Variants in PALS1 observed in about 807,000 individuals in gnomAD.
The protein encoded by PALS1 is protein associated with LIN7 1, MAGUK p55 family member.
PALS1 carries 31 observed loss-of-function variants against 78.9 expected under a neutral mutation model. The observed-to-expected ratio is 0.39, with a 90% CI of 0.30 to 0.53. The LOEUF (loss-of-function observed/expected upper bound fraction) is 0.53, where lower values mean the gene tolerates loss of function less well. Ranked by LOEUF, PALS1 falls within the 20% of genes least tolerant of loss-of-function variation. The probability of loss-of-function intolerance (pLI) is 0.67; values close to 1 mark genes in which losing one functional copy is unlikely to be tolerated. For synonymous variants in PALS1, 276 were observed against 270.9 expected (o/e 1.02, Z -0.18); for missense variants, 704 against 826.5 (o/e 0.85, Z 1.82).
At position 67,279,177 on chromosome 14, in the gene PALS1, A is replaced by G; in HGVS notation, c.7A>G (p.Thr3Ala). 3.2e-6 allele frequency: 5 copies of G among 1,586,662 alleles called. No individual in the cohort carries two copies. The highest frequency in any genetic ancestry group is 2.2e-5 in the East Asian group (1 of 44,654). ...CAGGTTTTCATAGATAACCATGACAACATCCCATATGAATGGGCATGTTAC... is the reference window on the plus strand; with the variant it reads ...CAGGTTTTCATAGATAACCATGACAGCATCCCATATGAATGGGCATGTTAC... MTTSHMNGHVTEE... is the reference protein window; with the variant it reads MTASHMNGHVTEE... The change falls in exon 3 of 15, where the codon ACA (threonine) becomes GCA (alanine). Residue 3 changes from threonine (T) to alanine (A), a missense_variant. Transcript: ENST00000261681.
chr14:67,316,938 T>A, intron 10 of PALS1, 35 bp downstream of exon 10: 1 of 1,531,290 alleles, frequency 6.5e-7, no homozygotes, highest in Non-Finnish European at 9.0e-7. Flanking sequence ...GTAAATGGTT[T>A]CTTGGGTCTT....
At chr14:67,300,450 CTT>C (rs1415428377) in intron 4 of PALS1, among the ~76,000 whole-genome samples, 1 of 151,608 alleles carries the variant, frequency 6.6e-6, no homozygotes, top group African/African-American at 2.4e-5. Flanking sequence ...GCCTCAGCCT[CTT>C]GAGTAGCTGG....
chr14:67,270,298 A>T (rs936115051), intron 2 of PALS1: 8 of 152,226 alleles, frequency 5.3e-5, no homozygotes, highest in African/African-American at 1.9e-4. Context: ...CAGCTTCGGC[A>T]TGCCAGCCTG....
chr14:67,329,370 A>G (rs901750291), intron 14 of PALS1, among the ~76,000 whole-genome samples: 5 of 152,110 alleles, frequency 3.3e-5, no homozygotes, highest in African/African-American at 1.2e-4. Context: ...GCTTAAGGAG[A>G]TTTTGGGCTG....
intron 14 of PALS1, among the ~76,000 whole-genome samples, chr14:67,327,494 T>A (rs898450513): frequency 5.3e-5 from 8 of 152,084 alleles, no homozygotes; most frequent in African/African-American, 1.7e-4. Flanking sequence ...TTTATTTTTT[T>A]ATTTTTTTAT....
chr14:67,259,350 C>A (rs536275504), intron 1 of PALS1, among the ~76,000 whole-genome samples: 102 of 151,980 alleles, frequency 6.7e-4, no homozygotes, highest in Middle Eastern at 3.4e-3. Context: ...GTGGCTCACA[C>A]CTGTAATCCC....
At chr14:67,260,009 T>C (rs1443894727) in intron 1 of PALS1, among the ~76,000 whole-genome samples, 3 of 152,208 alleles carry the variant, frequency 2.0e-5, no homozygotes, top group African/African-American at 7.2e-5. Context: ...TTGGAAACAT[T>C]GTCCCCAGGA....
chr14:67,267,231 T>C (rs1279348207), intron 1 of PALS1, among the ~76,000 whole-genome samples: 2 of 152,190 alleles, frequency 1.3e-5, no homozygotes, highest in Non-Finnish European at 1.5e-5. Flanking sequence ...GCTGAATAGG[T>C]ATAACTTCAA....
intron 3 of PALS1, among the ~76,000 whole-genome samples, chr14:67,286,582 G>A (rs747403165): frequency 1.3e-5 from 2 of 152,080 alleles, no homozygotes; most frequent in Non-Finnish European, 2.9e-5. Context: ...TTAGCCGGGC[G>A]TGGTGGCTCA....
In PALS1 at chr14:67,318,191, A is replaced by G. The variant is rs545740237; in HGVS notation, c.1369+712A>G. ...AAAGCAAAGGCTTTCCTTCTTATGT[A>G]ATTTATAAGGCTTTTCTGTCAAGAA... On this transcript the variant is annotated intron_variant, in intron 11 of 14. Coordinates refer to ENST00000261681, the MANE Select transcript of PALS1 (RefSeq NM_022474.4). Among the ~76,000 whole-genome samples, 90 of 152,346 alleles carry G rather than the reference A, an allele frequency of 5.9e-4. 1 individual carries two copies. The highest frequency in any genetic ancestry group is 1.8e-3 in the Admixed American group (28 of 15,298).
intron 3 of PALS1, among the ~76,000 whole-genome samples, chr14:67,284,739 A>G (rs911832228): frequency 1.3e-5 from 2 of 151,958 alleles, no homozygotes; most frequent in Non-Finnish European, 2.9e-5. Flanking sequence ...ATGAAATTAC[A>G]TAACATAGGC....
chr14:67,280,826 T>TCCTC (rs1567518203), intron 3 of PALS1, among the ~76,000 whole-genome samples: 2 of 129,692 alleles, frequency 1.5e-5, no homozygotes, highest in African/African-American at 6.7e-5. Context: ...CTTCCTTCCT[T>TCCTC]CCTTCCTTCC....
chr14:67,315,268 A>AT (rs531037352), intron 9 of PALS1, among the ~76,000 whole-genome samples: 5,370 of 101,604 alleles, frequency 0.053, 467 homozygotes, highest in Non-Finnish European at 0.07. Context: ...CTTATTTTTA[A>AT]TTTTTTTTTT....
chr14:67,268,534 C>CG (rs1190678351), intron 1 of PALS1, among the ~76,000 whole-genome samples: 1 of 152,118 alleles, frequency 6.6e-6, no homozygotes, highest in African/African-American at 2.4e-5. Context: ...ATGAATTTTC[C>CG]GGGGGAAAGG....
At chr14:67,303,712 A>AT in intron 8 of PALS1, 113 bp downstream of exon 8, 1 of 710,604 alleles carries the variant, frequency 1.4e-6, no homozygotes, top group Non-Finnish European at 2.4e-6. Context: ...AAATTCAATC[A>AT]TTTTTATTTA....
chr14:67,254,244 C>G (rs2084111947), intron 1 of PALS1: 1 of 147,188 alleles, frequency 6.8e-6, no homozygotes, highest in Admixed American at 6.9e-5. Flanking sequence ...CCTCAGCAGC[C>G]TTTTTCTTGA....
At chr14:67,299,585 T>C (rs1885590) in intron 4 of PALS1, among the ~76,000 whole-genome samples, 29,046 of 152,014 alleles carry the variant, frequency 0.19, 4,457 homozygotes, top group East Asian at 0.48. Flanking sequence ...GGGATTAGAG[T>C]ATTTTTATAG....
At chr14:67,328,027 TTCTAGTTCTA>T (rs532047348) in intron 14 of PALS1, among the ~76,000 whole-genome samples, 1 of 152,336 alleles carries the variant, frequency 6.6e-6, no homozygotes, top group South Asian at 2.1e-4. Context: ...CAAATGGTAT[TTCTAGTTCTA>T]GATCCTTGAG....
rs537945960 is a variant in PALS1 at position 67,325,033 on chromosome 14, C to G, written c.1851+1221C>G. On this transcript the variant is annotated intron_variant, in intron 14 of 14. Transcript: ENST00000261681. ...CATTCTCCTGCCTCAGCCTCCCTAG[C>G]AGCTGGGACTACAGGTGCCCACCAT... Among the ~76,000 whole-genome samples, 27 of 150,332 alleles carry G rather than the reference C, an allele frequency of 1.8e-4. No individual in the cohort carries two copies. In the East Asian group the frequency reaches 3.0e-3, roughly 17 times the overall value.
Sources: gnomAD v4.1 joint callset for allele counts (sites outside exome capture counted in the v4.1 genomes callset) on GRCh38, gnomAD v4.1.1 for gene constraint, MANE v1.5 for transcripts, NCBI Gene and HGNC (gene_info 2026-07-23, HGNC 2026-07-21) for gene names.